The following RPL18 variants were observed in gnomAD, a reference collection of about 807,000 sequenced individuals.
RPL18 encodes large ribosomal subunit protein eL18.
In RPL18, 4 loss-of-function variants were observed where a neutral mutation model predicts 25.0. The ratio of observed to expected loss-of-function variants is 0.16; its 90% CI spans 0.08 to 0.37. The LOEUF (loss-of-function observed/expected upper bound fraction) is 0.37. RPL18 is among the 10% of genes least tolerant of loss of function. The pLI, the probability that RPL18 is intolerant of heterozygous loss-of-function variation, is 1.00. For synonymous variants in RPL18, 129 were observed against 101.6 expected, an observed-to-expected ratio of 1.27 and a Z score of -1.62; for missense variants, 179 against 267.9, an observed-to-expected ratio of 0.67 and a Z score of 2.32.
chr19:48,616,026 G>A (rs1228875739), intron 5 of RPL18, 53 bp downstream of exon 5: 3 of 1,613,790 alleles, frequency 1.9e-6, no homozygotes, highest in East Asian at 4.5e-5. Context: ...GAGGGTGAAG[G>A]CTGCCAGTAG....
At chr19:48,617,213 T>A (rs1974201635) in intron 3 of RPL18, 103 bp downstream of exon 3, 1 of 916,068 alleles carries the variant, frequency 1.1e-6, no homozygotes, top group African/African-American at 1.6e-5. Flanking sequence ...GACAAACCCT[T>A]GATGCCCTGG....
rs369880 is a variant in RPL18, at chr19:48,617,177, C to T, written c.198+139G>A. ...GGACACTCAGTTCCAACCAACAGTC[C>T]AAGCTCTACGCTCGCGACTGGCTGA... On this transcript the variant is annotated intron_variant, in intron 3 of 6. Transcript: ENST00000549920. 0.18 allele frequency: 140,727 copies of T among 792,266 alleles called. 14,417 individuals are homozygous for T. Among genetic ancestry groups the T allele is most frequent in the East Asian group, 0.43 (17,728 of 41,132 alleles). The allele number at this position is 792,266 out of a possible 1,614,324, so 49.1% of individuals were successfully genotyped here. A position where few individuals can be genotyped will look rare whatever the true frequency, so the allele number is the denominator to read the frequency against.
intron 5 of RPL18, 43 bp from the exon 6 acceptor site, chr19:48,615,989 G>A (rs373747398): frequency 2.4e-5 from 38 of 1,612,672 alleles, no homozygotes; most frequent in African/African-American, 9.3e-5. Flanking sequence ...GGGATCTGGC[G>A]CCCAGCTTCT....
At chr19:48,615,968 C>G in intron 5 of RPL18, 22 bp from the exon 6 acceptor site, 8 of 1,613,926 alleles carry the variant, frequency 5.0e-6, no homozygotes, top group Non-Finnish European at 6.8e-6. Flanking sequence ...GAAGGAGAAC[C>G]GGGTGAGACA....
intron 4 of RPL18, 25 bp from the exon 5 acceptor site, chr19:48,616,227 G>C (rs200238434): frequency 1.9e-6 from 3 of 1,611,868 alleles, no homozygotes; most frequent in East Asian, 2.2e-5. Flanking sequence ...AAGGCTGGCG[G>C]GTCAGACCCC....
chr19:48,617,865 G>A lies in RPL18; in HGVS notation c.16C>T (p.Arg6Cys), dbSNP rs146179249. The A allele has an allele frequency of 9.3e-6, 15 of 1,613,710 alleles. No individual in the cohort carries two copies. Among genetic ancestry groups the A allele is most frequent in the South Asian group, 8.8e-5 (8 of 91,076 alleles). Residue 6 changes from arginine (R) to cysteine (C), a missense_variant, in exon 2 of 7, where the codon CGC becomes TGC. Transcript: ENST00000549920. MGVDI[R>C]HNKDRKVRRK... is the part of the protein sequence containing the mutation. ...CGAACCTTTCGGTCCTTGTTATGGC[G>A]GATGTCCACTCCCTGTGGGGGTGAA...
intron 4 of RPL18, 157 bp downstream of exon 4, chr19:48,616,569 C>A (rs775290381): frequency 1.4e-6 from 1 of 732,714 alleles, no homozygotes; most frequent in South Asian, 1.4e-5. Flanking sequence ...CCAGAGACGA[C>A]CCACACCAAT....
At chr19:48,617,720 G>A in intron 2 of RPL18, 71 bp downstream of exon 2, 1 of 1,210,452 alleles carries the variant, frequency 8.3e-7, no homozygotes, top group Non-Finnish European at 1.2e-6. Flanking sequence ...CTTGGTGCCA[G>A]CACTAGAATG....
chr19:48,617,739 G>C, intron 2 of RPL18, 52 bp downstream of exon 2: 2 of 1,414,818 alleles, frequency 1.4e-6, no homozygotes, highest in East Asian at 2.3e-5. Flanking sequence ...TGGAGGATCT[G>C]CAAGTCAGAC....
intron 3 of RPL18, chr19:48,617,050 T>C: frequency 1.4e-6 from 1 of 701,860 alleles, no homozygotes; most frequent in Non-Finnish European, 2.6e-6. Context: ...GCCTTTGACA[T>C]AAAACTCAGT....
Position 48,615,397 on chromosome 19 carries a change from C to T in RPL18, c.542G>A (p.Arg181Gln). 2 of 1,612,846 alleles carry T rather than the reference C, an allele frequency of 1.2e-6. No homozygotes were observed. The highest frequency in any genetic ancestry group is 1.7e-6 in the Non-Finnish European group (2 of 1,179,452). Residue 181 changes from arginine (R) to glutamine (Q), a missense_variant, in exon 7 of 7, where the codon CGG (arginine) becomes CAG (glutamine). By Grantham distance (43) the Arg-to-Gln change is conservative. Transcript: ENST00000549920. ...TTAGTTTTTGTAGCCTCGGCTGGCCCGTCGGCCTCTGGCACGCTCGAACTT... is the reference window on the plus strand; with the variant it reads ...TTAGTTTTTGTAGCCTCGGCTGGCCTGTCGGCCTCTGGCACGCTCGAACTT... ...GRKFERARGR[R>Q]ASRGYKN
rs767423084 is a variant in RPL18, at chr19:48,616,118, G to C, written c.382C>G (p.Leu128Val). 6.2e-7 allele frequency: 1 copy of C among 1,614,174 alleles called. No individual in the cohort carries two copies. Among genetic ancestry groups the C allele is most frequent in the Non-Finnish European group, 8.5e-7 (1 of 1,180,022 alleles). ...GKILTFDQLA[L>V]DSPKGCGTVL... The stretch of plus-strand genomic sequence containing the variant: ...GTGCCACAGCCCTTAGGGGAGTCCA[G>C]GGCCAGCTGGTCGAAAGTGAGGATC... The change falls in exon 5 of 7, where the codon CTG becomes GTG. Residue 128 changes from leucine to valine, a missense_variant. Leu to Val is a conservative substitution (Grantham distance 32). Transcript: ENST00000549920.
intron 1 of RPL18, chr19:48,618,195 G>A (rs978403560): frequency 3.9e-5 from 9 of 232,038 alleles, no homozygotes; most frequent in African/African-American, 1.8e-4. Flanking sequence ...CATACCCGGA[G>A]GGATAACCAA....
chr19:48,617,849 C>T lies in RPL18; in HGVS notation c.32G>A (p.Arg11Gln), dbSNP rs1974227202. Residue 11 changes from arginine to glutamine, a missense_variant, in exon 2 of 7, where the codon CGA (arginine) becomes CAA (glutamine). Arg to Gln is a conservative substitution (Grantham distance 43). Coordinates refer to ENST00000549920, the MANE Select transcript of RPL18 (RefSeq NM_000979.4). MGVDIRHNKD[R>Q]KVRRKEPKSQ... ...CTTGGGCTCCTTGCGCCGAACCTTT[C>T]GGTCCTTGTTATGGCGGATGTCCAC... 9 of 1,614,008 alleles carry T rather than the reference C, an allele frequency of 5.6e-6. No homozygotes were observed. The highest frequency in any genetic ancestry group is 3.3e-5 in the Admixed American group (2 of 60,000).
At chr19:48,617,154 A>G (rs1329840287) in intron 3 of RPL18, 162 bp downstream of exon 3, 2 of 755,712 alleles carry the variant, frequency 2.6e-6, no homozygotes, top group Non-Finnish European at 2.4e-6. Flanking sequence ...CTGCCCATGG[A>G]CACTCAGTTC....
chr19:48,619,052 C>A, intron 1 of RPL18, 89 bp downstream of exon 1: 1 of 1,405,976 alleles, frequency 7.1e-7, no homozygotes, highest in Non-Finnish European at 9.9e-7. Flanking sequence ...AGCCGCAGAC[C>A]CCCTGCCGCC....
At chr19:48,618,123 A>G (rs1362719463) in intron 1 of RPL18, 3 of 376,270 alleles carry the variant, frequency 8.0e-6, no homozygotes, top group Non-Finnish European at 1.5e-5. Context: ...ATATTAACTT[A>G]ATACAAAAAG....
In RPL18 at chr19:48,617,887, T is replaced by C; in HGVS notation, c.4-10A>G. 6.2e-7 allele frequency: 1 copy of C among 1,609,414 alleles called. No homozygotes were observed. The highest frequency in any genetic ancestry group is 1.3e-5 in the African/African-American group (1 of 74,842). On this transcript the variant is annotated splice_polypyrimidine_tract_variant and intron_variant, in intron 1 of 6. Transcript: ENST00000549920. ...GGCGGATGTCCACTCCCTGTGGGGGTGAAGAGGCAACCATGGACCCAATTA... is the reference window on the plus strand; with the variant it reads ...GGCGGATGTCCACTCCCTGTGGGGGCGAAGAGGCAACCATGGACCCAATTA...
At chr19:48,618,833 C>T (rs938241062) in intron 1 of RPL18, 7 of 482,482 alleles carry the variant, frequency 1.5e-5, no homozygotes, top group Non-Finnish European at 2.6e-5. Flanking sequence ...GGCAGCAAAG[C>T]CAAATAACTA....
Sources: allele counts gnomAD v4.1 joint callset, GRCh38; gene constraint gnomAD v4.1.1; transcripts MANE v1.5; gene names NCBI Gene and HGNC (gene_info 2026-07-23, HGNC 2026-07-21).